The following PDE1B variants were observed in gnomAD, a reference collection of about 807,000 sequenced individuals.
PDE1B encodes the protein phosphodiesterase 1B.
Under a neutral mutation model 66.7 loss-of-function variants are expected in PDE1B, and 13 were observed. That is an observed-to-expected ratio of 0.19 (90% confidence interval 0.13 to 0.31). The LOEUF is 0.31. Among genes scored for constraint, PDE1B ranks in the 10% least tolerant of loss-of-function variants. The probability of loss-of-function intolerance (pLI) is 1.00; values close to 1 mark genes in which losing one functional copy is unlikely to be tolerated. For synonymous variants in PDE1B, 230 were observed against 253.9 expected (o/e 0.91, Z 0.90); for missense variants, 485 against 682.3 (o/e 0.71, Z 3.22).
In PDE1B at chr12:54,566,956, T is replaced by A; in HGVS notation, c.114-18T>A. On this transcript the variant is annotated intron_variant, in intron 2 of 15. Transcript: ENST00000243052. ...GGTAGCTGTGCCTAAGCAGCCTCTC[T>A]GTATCTGCTCCCTGCAGGCTGCGCT... 3.4e-6 allele frequency: 5 copies of A among 1,458,726 alleles called. No homozygotes were observed. The highest frequency in any genetic ancestry group is 4.8e-6 in the Non-Finnish European group (5 of 1,042,314). The allele number at this position is 1,458,726 out of a possible 1,614,324, so 90.4% of individuals were successfully genotyped here. A position where few individuals can be genotyped will look rare whatever the true frequency, so the allele number is the denominator to read the frequency against.
At position 54,549,924 on chromosome 12, in the gene PDE1B, C is replaced by T; in HGVS notation, c.52C>T (p.Pro18Ser). The T allele has an allele frequency of 6.2e-7, 1 of 1,614,150 alleles. No homozygotes were observed. The highest frequency in any genetic ancestry group is 8.5e-7 in the Non-Finnish European group (1 of 1,180,008). The change falls in exon 2 of 16, where the codon CCG becomes TCG. Residue 18 changes from proline (P) to serine (S), a missense_variant. This residue lies in a region of PDE1B where 74 missense variants were observed against 78.7 expected (regional missense o/e 0.94). Coordinates refer to ENST00000243052, the MANE Select transcript of PDE1B (RefSeq NM_000924.4). ...GGAGATGCTGGAGGAGTCGGATTGC[C>T]CGTCACCCCTGGAGCTGAAGTCAGC... ...PPEMLEESDC[P>S]SPLELKSAPS...
chr12:54,577,094 T>TG (rs970330679), intron 14 of PDE1B, 131 bp from the exon 15 acceptor site: 14 of 791,118 alleles, frequency 1.8e-5, no homozygotes, highest in Non-Finnish European at 2.9e-5. Flanking sequence ...CAAGTGGGGA[T>TG]GGGTTGAATG....
intron 2 of PDE1B, among the ~76,000 whole-genome samples, chr12:54,551,967 T>C (rs773217212): frequency 1.3e-5 from 2 of 152,160 alleles, no homozygotes; most frequent in Admixed American, 6.5e-5. Context: ...TACAATAAAT[T>C]TACAAGTAAA....
chr12:54,569,707 C>CA lies in PDE1B; in HGVS notation c.477+95_477+96insA. The CA allele has an allele frequency of 1.5e-6, 1 of 664,574 alleles. No individual in the cohort carries two copies. The highest frequency in any genetic ancestry group is 2.6e-6 in the Non-Finnish European group (1 of 382,728). 41.2% of individuals were successfully genotyped at this position (664,574 alleles called of 1,614,324 possible). ...TGTTTATGGCATTATTTTTGCCTTC[C>CA]TTTTTTTTTTTTGAAATGGAGTCTC... On this transcript the variant is annotated intron_variant, in intron 5 of 15. Transcript: ENST00000243052. This position sits in a 1 kb window ranked among gnomAD's most constrained non-coding sequence, Gnocchi z 4.4.
rs763755495 is a variant in PDE1B, at chr12:54,573,237, C to T, written c.825C>T (p.His275=). 3.7e-6 allele frequency: 6 copies of T among 1,613,904 alleles called. No individual in the cohort carries two copies. The South Asian group carries it at 5.5e-5, about 15-fold the overall frequency. The change falls in exon 8 of 16, where the codon CAC becomes CAT. Residue 275 remains histidine, a synonymous_variant. Coordinates refer to ENST00000243052, the MANE Select transcript of PDE1B (RefSeq NM_000924.4). The surrounding 1 kb of genome is among the most constrained non-coding windows in gnomAD (Gnocchi z 5.2). Reference sequence around the variant, plus strand: ...ACACGGGCACTACCAACAGCTTCCACATCCAGACCAAGTGAGGGGTGGGGA... The same window carrying T: ...ACACGGGCACTACCAACAGCTTCCATATCCAGACCAAGTGAGGGGTGGGGA... ...YEHTGTTNSF[H]IQTKSECAIV... is the part of the protein sequence containing the mutation.
At chr12:54,553,539 G>C (rs1056605176) in intron 2 of PDE1B, among the ~76,000 whole-genome samples, 3 of 152,186 alleles carry the variant, frequency 2.0e-5, no homozygotes, top group African/African-American at 7.2e-5. Flanking sequence ...AGTCTAGTGT[G>C]ATACCTTGAA....
intron 10 of PDE1B, chr12:54,574,582 T>G (rs1957695001): frequency 6.5e-6 from 1 of 152,674 alleles, no homozygotes; most frequent in African/African-American, 2.4e-5. Flanking sequence ...TCTAAGAGCC[T>G]GGGCTCTCAG....
chr12:54,564,665 A>T (rs1957481733), intron 2 of PDE1B, among the ~76,000 whole-genome samples: 1 of 152,082 alleles, frequency 6.6e-6, no homozygotes, highest in African/African-American at 2.4e-5. Context: ...AAAAAAGCAG[A>T]TCCCTGTCCA....
chr12:54,576,654 A>G lies in PDE1B; in HGVS notation c.1460A>G (p.Lys487Arg), dbSNP rs1957756672. Residue 487 changes from lysine (K) to arginine (R), a missense_variant, in exon 14 of 16, where the codon AAG (lysine) becomes AGG (arginine). By Grantham distance (26) the Lys-to-Arg change is conservative (BLOSUM62 2). Coordinates refer to ENST00000243052, the MANE Select transcript of PDE1B (RefSeq NM_000924.4). The stretch of plus-strand genomic sequence containing the variant: ...GTCAGCTTTCGTTCCACCTGGGTCA[A>G]GCGCATTCAGGAGAATAAGCAGAAA... ...DVVSFRSTWVKRIQENKQKWK... is the reference protein window; with the variant it reads ...DVVSFRSTWVRRIQENKQKWK... The G allele has an allele frequency of 6.2e-7, 1 of 1,613,660 alleles. No homozygotes were observed. The highest frequency in any genetic ancestry group is 1.7e-5 in the Admixed American group (1 of 59,944).
At position 54,569,707 on chromosome 12, in the gene PDE1B, C is replaced by CTTTT; in HGVS notation, c.477+104_477+107dup. The CTTTT allele has an allele frequency of 6.0e-6, 4 of 664,560 alleles. No homozygotes were observed. Among genetic ancestry groups the CTTTT allele is most frequent in the Non-Finnish European group, 1.0e-5 (4 of 382,718 alleles). 41.2% of individuals were successfully genotyped at this position (664,560 alleles called of 1,614,324 possible). A position where few individuals can be genotyped will look rare whatever the true frequency, so the allele number is the denominator to read the frequency against. Reference sequence around the variant, plus strand: ...TGTTTATGGCATTATTTTTGCCTTCCTTTTTTTTTTTTGAAATGGAGTCTC... The same window carrying CTTTT: ...TGTTTATGGCATTATTTTTGCCTTCCTTTTTTTTTTTTTTTTGAAATGGAGTCTC... On this transcript the variant is annotated intron_variant, in intron 5 of 15. Coordinates refer to ENST00000243052, the MANE Select transcript of PDE1B (RefSeq NM_000924.4). This position sits in a 1 kb window ranked among gnomAD's most constrained non-coding sequence, Gnocchi z 4.4.
At position 54,577,323 on chromosome 12, in the gene PDE1B, G is replaced by C. The variant is rs1446938304; in HGVS notation, c.1606G>C (p.Asp536His). 3 of 1,613,918 alleles carry C rather than the reference G, an allele frequency of 1.9e-6. No individual in the cohort carries two copies. The highest frequency in any genetic ancestry group is 2.5e-6 in the Non-Finnish European group (3 of 1,180,010). ...TGAACACAACCAGAATGGGAATCTG[G>C]ATTAGCCCTGGGGCTGGCCCAGGTG... ...EDEHNQNGNL[D>H] The change falls in exon 15 of 16, where the codon GAT becomes CAT. Residue 536 changes from aspartate (D) to histidine (H), a missense_variant. Asp to His is a moderately conservative substitution (Grantham distance 81). Transcript: ENST00000243052.
Position 54,572,629 on chromosome 12 carries a change from T to C in PDE1B, c.623T>C (p.Leu208Pro). 6.2e-7 allele frequency: 1 copy of C among 1,614,036 alleles called. No individual in the cohort carries two copies. The highest frequency in any genetic ancestry group is 1.7e-5 in the Admixed American group (1 of 60,030). Residue 208 changes from leucine (L) to proline (P), a missense_variant, in exon 7 of 16, where the codon CTG becomes CCG. This residue lies in a region of PDE1B where 282 missense variants were observed against 453.4 expected (regional missense o/e 0.62). Coordinates refer to ENST00000243052, the MANE Select transcript of PDE1B (RefSeq NM_000924.4). ...CCCACTGTGTTTTTGATGAGTTTCC[T>C]GGATGCCTTGGAGACAGGCTATGGG... The part of the protein sequence containing the change: ...KIPTVFLMSF[L>P]DALETGYGKY...
At chr12:54,561,699 C>T in intron 2 of PDE1B, 2 of 1,250,266 alleles carry the variant, frequency 1.6e-6, no homozygotes, top group Non-Finnish European at 2.2e-6. Flanking sequence ...CTCATGGATC[C>T]ACCAGTTGTA....
At position 54,575,091 on chromosome 12, in the gene PDE1B, C is replaced by T; in HGVS notation, c.1065-7C>T. 6.2e-7 allele frequency: 1 copy of T among 1,613,442 alleles called. No homozygotes were observed. The highest frequency in any genetic ancestry group is 8.5e-7 in the Non-Finnish European group (1 of 1,179,626). Reference sequence around the variant, plus strand: ...GTCTCCCTTCCCTTGCCATCTGCCCCAACCAGGATTGACAAGCCCAAGGCC... The same window carrying T: ...GTCTCCCTTCCCTTGCCATCTGCCCTAACCAGGATTGACAAGCCCAAGGCC... On this transcript the variant is annotated splice_polypyrimidine_tract_variant and splice_region_variant and intron_variant, in intron 10 of 15. Transcript: ENST00000243052. This position sits in a 1 kb window ranked among gnomAD's most constrained non-coding sequence, Gnocchi z 4.0.
At chr12:54,568,721 G>T (rs894420078) in intron 3 of PDE1B, among the ~76,000 whole-genome samples, 1 of 151,980 alleles carries the variant, frequency 6.6e-6, no homozygotes, top group Non-Finnish European at 1.5e-5. Context: ...GCTCGAACCC[G>T]GGAGGCGGAG....
At chr12:54,567,134 T>C (rs980288972) in intron 3 of PDE1B, 47 bp downstream of exon 3, 1 of 995,284 alleles carries the variant, frequency 1.0e-6, no homozygotes, top group African/African-American at 1.6e-5. Flanking sequence ...TCAGACATAG[T>C]GTTCCAGAGA....
chr12:54,569,533 T>G lies in PDE1B; in HGVS notation c.411-13T>G. On this transcript the variant is annotated splice_polypyrimidine_tract_variant and intron_variant, in intron 4 of 15. Coordinates refer to ENST00000243052, the MANE Select transcript of PDE1B (RefSeq NM_000924.4). This position sits in a 1 kb window ranked among gnomAD's most constrained non-coding sequence, Gnocchi z 4.4. ...CCTTCATATGTGGGCTTCTTCTCAT[T>G]GTTCTCTCTCAGGATGTTCCGGAGA... is the stretch of plus-strand genomic sequence containing the variant. 1 of 1,612,262 alleles carries G rather than the reference T, an allele frequency of 6.2e-7. No individual in the cohort carries two copies. The highest frequency in any genetic ancestry group is 2.2e-5 in the East Asian group (1 of 44,868).
Position 54,573,668 on chromosome 12 carries a change from G to C in PDE1B, c.1023G>C (p.Gln341His), listed in dbSNP as rs139284651. ...CCACAGACATGTCCTGCCATTTCCA[G>C]CAAGTGAAGACCATGAAGACAGCCT... ...VLATDMSCHF[Q>H]QVKTMKTALQ... The change falls in exon 10 of 16, where the codon CAG (glutamine) becomes CAC (histidine). Residue 341 changes from glutamine to histidine, a missense_variant. Coordinates refer to ENST00000243052, the MANE Select transcript of PDE1B (RefSeq NM_000924.4). The surrounding 1 kb of genome is among the most constrained non-coding windows in gnomAD (Gnocchi z 5.2). 1.3e-3 allele frequency: 2,100 copies of C among 1,614,148 alleles called. No homozygotes were observed. The highest frequency in any genetic ancestry group is 1.6e-3 in the Non-Finnish European group (1,897 of 1,180,028).
intron 2 of PDE1B, among the ~76,000 whole-genome samples, chr12:54,555,409 A>G (rs935935225): frequency 5.3e-5 from 8 of 152,194 alleles, no homozygotes; most frequent in African/African-American, 1.9e-4. Flanking sequence ...GAAAAAAGAC[A>G]GAGGATTCCA....
Sources: gnomAD v4.1 joint callset for allele counts (sites outside exome capture counted in the v4.1 genomes callset) on GRCh38, gnomAD v4.1.1 for gene constraint, gnomAD v4.1.1 regional missense constraint, Gnocchi (gnomAD v3.1) non-coding constraint, MANE v1.5 for transcripts, NCBI Gene and HGNC (gene_info 2026-07-23, HGNC 2026-07-21) for gene names.